The following FBXO25 variants were observed in gnomAD, a reference collection of about 807,000 sequenced individuals.
FBXO25 encodes F-box protein 25.
In FBXO25, 45 loss-of-function variants were observed where a neutral mutation model predicts 51.9. The observed-to-expected ratio is 0.87, with a 90% confidence interval of 0.68 to 1.11. The LOEUF (loss-of-function observed/expected upper bound fraction) is 1.11, where lower values mean the gene tolerates loss of function less well. Among genes scored for constraint, FBXO25 ranks in the 50% most tolerant of loss-of-function variants. The pLI is 0.00. For synonymous variants in FBXO25, 199 were observed against 151.0 expected, an observed-to-expected ratio of 1.32 and a Z score of -2.33; for missense variants, 507 against 428.5, an observed-to-expected ratio of 1.18 and a Z score of -1.62.
intron 2 of FBXO25, among the ~76,000 whole-genome samples, chr8:430,504 T>G (rs925231152): frequency 2.6e-5 from 4 of 152,168 alleles, no homozygotes; most frequent in Non-Finnish European, 4.4e-5. Context: ...ACAATTTTCT[T>G]GTCAAAGAAC....
At chr8:459,511 G>C (rs1335828419) in intron 8 of FBXO25, among the ~76,000 whole-genome samples, 1 of 152,336 alleles carries the variant, frequency 6.6e-6, no homozygotes, top group Admixed American at 6.5e-5. Flanking sequence ...TTTCAGAAGA[G>C]CCTCTGTTCT....
intron 2 of FBXO25, among the ~76,000 whole-genome samples, chr8:418,491 C>A (rs1478211584): frequency 2.6e-5 from 4 of 151,610 alleles, no homozygotes; most frequent in Non-Finnish European, 5.9e-5. Context: ...AGGCGCCCAC[C>A]ACCACACCTG....
rs2116886472 is a variant in FBXO25, at chr8:472,144, C to G, written c.*3340C>G. 1 of 152,288 alleles carries G rather than the reference C, an allele frequency of 6.6e-6. No individual in the cohort carries two copies. The highest frequency in any genetic ancestry group is 6.5e-5 in the Admixed American group (1 of 15,300). The allele number at this position is 152,288 out of a possible 1,614,324, so 9.4% of individuals were successfully genotyped here. On this transcript the variant is annotated 3_prime_UTR_variant, in exon 10 of 10. Coordinates refer to ENST00000350302, the MANE Select transcript of FBXO25 (RefSeq NM_183420.2). ...GAGAGTGAACATCCTTGTCTTGTTC[C>G]TCATCTTAGGGGAAAGCTTTCAGTC...
At chr8:427,134 T>C (rs552524490) in intron 2 of FBXO25, among the ~76,000 whole-genome samples, 83 of 152,048 alleles carry the variant, frequency 5.5e-4, no homozygotes, top group African/African-American at 2.0e-3. Context: ...GTTTAGTAGG[T>C]AGCCATTGAT....
At position 462,926 on chromosome 8, in the gene FBXO25, T is replaced by C; in HGVS notation, c.844-81T>C. 3.4e-6 allele frequency: 5 copies of C among 1,491,082 alleles called. No homozygotes were observed. In the South Asian group the frequency reaches 5.3e-5, roughly 16 times the overall value. The allele number at this position is 1,491,082 out of a possible 1,614,324, so 92.4% of individuals were successfully genotyped here. A position where few individuals can be genotyped will look rare whatever the true frequency, so the allele number is the denominator to read the frequency against. On this transcript the variant is annotated intron_variant, in intron 8 of 9. Coordinates refer to ENST00000350302, the MANE Select transcript of FBXO25 (RefSeq NM_183420.2). Reference sequence around the variant, plus strand: ...TAAAAAAAGAAATTAAAAACTAAAATAAAATGAAAAAGTTTTACACCTAAT... The same window carrying C: ...TAAAAAAAGAAATTAAAAACTAAAACAAAATGAAAAAGTTTTACACCTAAT...
intron 7 of FBXO25, among the ~76,000 whole-genome samples, chr8:452,578 C>T (rs1256451118): frequency 2.0e-5 from 3 of 152,202 alleles, no homozygotes; most frequent in Admixed American, 1.3e-4. Context: ...AGCAGGTGAC[C>T]TTCTGGGGAG....
At chr8:426,752 C>T (rs1373171109) in intron 2 of FBXO25, among the ~76,000 whole-genome samples, 8 of 151,528 alleles carry the variant, frequency 5.3e-5, no homozygotes, top group Non-Finnish European at 1.0e-4. Context: ...GCACTCTGTG[C>T]ACAGTGCAGT....
At chr8:451,481 T>A (rs764522336) in intron 7 of FBXO25, 28 bp downstream of exon 7, 7 of 1,594,216 alleles carry the variant, frequency 4.4e-6, no homozygotes, top group Non-Finnish European at 6.0e-6. Flanking sequence ...TAAGAGTTAT[T>A]ACACTCTGTT....
intron 7 of FBXO25, among the ~76,000 whole-genome samples, chr8:455,859 C>A (rs1043611581): frequency 1.3e-5 from 2 of 152,180 alleles, no homozygotes; most frequent in Admixed American, 1.3e-4. Context: ...TGTCACATTT[C>A]GAGATTTCGT....
chr8:463,198 A>G, intron 9 of FBXO25, 48 bp downstream of exon 9: 1 of 1,584,282 alleles, frequency 6.3e-7, no homozygotes, highest in Non-Finnish European at 8.6e-7. Context: ...AATTTTGGTG[A>G]AACAAACTAA....
Position 469,722 on chromosome 8 carries a change from C to G in FBXO25, c.*918C>G, listed in dbSNP as rs1044556973. 1 of 152,062 alleles carries G rather than the reference C, an allele frequency of 6.6e-6. No individual in the cohort carries two copies. Among genetic ancestry groups the G allele is most frequent in the South Asian group, 2.1e-4 (1 of 4,830 alleles). The allele number at this position is 152,062 out of a possible 1,614,324, so 9.4% of individuals were successfully genotyped here. ...CACCACCCAAAGATTATTGTGCATG[C>G]TGAAAAGAGTATGAAAAATCCCCTC... is the stretch of plus-strand genomic sequence containing the variant. On this transcript the variant is annotated 3_prime_UTR_variant, in exon 10 of 10. Transcript: ENST00000350302.
In FBXO25 at chr8:468,829, G is replaced by T. The variant is rs770360244; in HGVS notation, c.*25G>T. 2 of 1,609,274 alleles carry T rather than the reference G, an allele frequency of 1.2e-6. No individual in the cohort carries two copies. The highest frequency in any genetic ancestry group is 1.7e-6 in the Non-Finnish European group (2 of 1,176,700). ...AGGGCTGCCCCTGCCATCCCTATTG[G>T]AGATTGTGAATCCTGCTGTCTGTGC... On this transcript the variant is annotated 3_prime_UTR_variant, in exon 10 of 10. Transcript: ENST00000350302.
At chr8:445,826 G>A (rs1419431326) in intron 5 of FBXO25, among the ~76,000 whole-genome samples, 1 of 152,174 alleles carries the variant, frequency 6.6e-6, no homozygotes, top group African/African-American at 2.4e-5. Flanking sequence ...AGCCGAGATC[G>A]CGCCATTGCA....
At position 470,739 on chromosome 8, in the gene FBXO25, C is replaced by T. The variant is rs1235256719; in HGVS notation, c.*1935C>T. The stretch of plus-strand genomic sequence containing the variant: ...GTAAGTACATTGAGTTTCCATTATC[C>T]CTGAAGCACAGGTATTTCTTTTTCT... On this transcript the variant is annotated 3_prime_UTR_variant, in exon 10 of 10. Transcript: ENST00000350302. The T allele has an allele frequency of 1.3e-5, 2 of 152,120 alleles. No homozygotes were observed. The highest frequency in any genetic ancestry group is 4.8e-5 in the African/African-American group (2 of 41,422). The allele number at this position is 152,120 out of a possible 1,614,324, so 9.4% of individuals were successfully genotyped here.
intron 2 of FBXO25, among the ~76,000 whole-genome samples, chr8:414,691 C>A (rs781433620): frequency 6.6e-6 from 1 of 152,200 alleles, no homozygotes; most frequent in South Asian, 2.1e-4. Context: ...TCCCTTTCCC[C>A]TTCGCCCAAA....
rs1249617591 is a variant in FBXO25, at chr8:471,762, C to T, written c.*2958C>T. On this transcript the variant is annotated 3_prime_UTR_variant, in exon 10 of 10. Coordinates refer to ENST00000350302, the MANE Select transcript of FBXO25 (RefSeq NM_183420.2). The stretch of plus-strand genomic sequence containing the variant: ...ACAAATTGGAAAGCCATGCAGTAGC[C>T]TCTCAGGAGCAGACCGATTTGTAGC... 6.6e-6 allele frequency: 1 copy of T among 152,204 alleles called. No individual in the cohort carries two copies. The highest frequency in any genetic ancestry group is 1.5e-5 in the Non-Finnish European group (1 of 68,050). The allele number at this position is 152,204 out of a possible 1,614,324, so 9.4% of individuals were successfully genotyped here.
intron 2 of FBXO25, among the ~76,000 whole-genome samples, chr8:417,012 G>A (rs187687518): frequency 5.9e-5 from 9 of 152,320 alleles, no homozygotes; most frequent in African/African-American, 9.6e-5. Flanking sequence ...CAGGATGAAT[G>A]GATATCTGAG....
chr8:411,210 T>G (rs2117402709), intron 1 of FBXO25, among the ~76,000 whole-genome samples: 1 of 152,322 alleles, frequency 6.6e-6, no homozygotes, highest in South Asian at 2.1e-4. Context: ...CTTGAGTAAT[T>G]CAGCTACCTT....
intron 9 of FBXO25, among the ~76,000 whole-genome samples, chr8:465,731 G>C (rs898254841): frequency 6.6e-6 from 1 of 152,168 alleles, no homozygotes; most frequent in Non-Finnish European, 1.5e-5. Context: ...AACATGTGTA[G>C]TTTTCCACTG....
Sources: allele counts gnomAD v4.1 joint callset (sites outside exome capture counted in the v4.1 genomes callset), GRCh38; gene constraint gnomAD v4.1.1; transcripts MANE v1.5; gene names NCBI Gene and HGNC (gene_info 2026-07-23, HGNC 2026-07-21).